The following JARID2 variants were observed in gnomAD, a reference collection of about 807,000 sequenced individuals.
JARID2 encodes jumonji and AT-rich interaction domain containing 2.
In JARID2, 21 loss-of-function variants were observed where a neutral mutation model predicts 125.6. The observed-to-expected ratio is 0.17, with a 90% CI of 0.12 to 0.24. The LOEUF is 0.24. Ranked by LOEUF, JARID2 falls within the 10% of genes least tolerant of loss-of-function variation. The pLI, the probability that JARID2 is intolerant of heterozygous loss-of-function variation, is 1.00. For missense variants in JARID2, 1,303 were observed against 1,639.6 expected (o/e 0.79, Z 3.55); for synonymous variants, 736 against 661.6 (o/e 1.11, Z -1.73).
At chr6:15,384,045 C>T (rs1430513111) in intron 2 of JARID2, among the ~76,000 whole-genome samples, 2 of 152,162 alleles carry the variant, frequency 1.3e-5, no homozygotes, top group African/African-American at 4.8e-5. Flanking sequence ...CTGCTTGCCT[C>T]TGCCTCCCAA....
intron 2 of JARID2, among the ~76,000 whole-genome samples, chr6:15,392,120 GT>G (rs1765041093): frequency 6.6e-6 from 1 of 151,420 alleles, no homozygotes; most frequent in Non-Finnish European, 1.5e-5. Context: ...CTTGGCCTAG[GT>G]TTTAGTGCCA....
intron 1 of JARID2, among the ~76,000 whole-genome samples, chr6:15,370,935 C>T (rs1057315776): frequency 6.6e-6 from 1 of 152,204 alleles, no homozygotes; most frequent in Non-Finnish European, 1.5e-5. Flanking sequence ...TGAGTCAACT[C>T]ATCTACTAGA....
In JARID2 at chr6:15,257,926, A is replaced by G. The variant is rs116863779; in HGVS notation, c.45+11342A>G. On this transcript the variant is annotated intron_variant, in intron 1 of 17. Transcript: ENST00000341776. ...AAAACAAAATTGCTCTAAGAACACA[A>G]TGTGTTATTAGTCAGAACAGCTCCA... Among the ~76,000 whole-genome samples the G allele has an allele frequency of 7.9e-5, 12 of 152,348 alleles. No homozygotes were observed. The East Asian group carries it at 2.1e-3, about 27-fold the overall frequency.
intron 5 of JARID2, among the ~76,000 whole-genome samples, chr6:15,480,841 G>A (rs1186409005): frequency 2.0e-5 from 3 of 152,210 alleles, no homozygotes; most frequent in African/African-American, 7.2e-5. Context: ...TGTGCATGGA[G>A]TGAGGGTATT....
At chr6:15,327,750 A>G (rs1465158048) in intron 1 of JARID2, among the ~76,000 whole-genome samples, 1 of 152,228 alleles carries the variant, frequency 6.6e-6, no homozygotes, top group Non-Finnish European at 1.5e-5. Flanking sequence ...TATAAAAAGA[A>G]TAAATTCAAG....
chr6:15,425,176 A>G (rs770277572), intron 3 of JARID2, among the ~76,000 whole-genome samples: 2 of 152,190 alleles, frequency 1.3e-5, no homozygotes, highest in Non-Finnish European at 2.9e-5. Flanking sequence ...AGAATAGTAT[A>G]GTTGTACCTT....
chr6:15,262,987 C>T (rs1481454607), intron 1 of JARID2, among the ~76,000 whole-genome samples: 1 of 152,104 alleles, frequency 6.6e-6, no homozygotes, highest in African/African-American at 2.4e-5. Context: ...CAGTTCATGC[C>T]TCTGAAGTGA....
intron 1 of JARID2, among the ~76,000 whole-genome samples, chr6:15,299,697 A>G (rs1265446728): frequency 6.6e-6 from 1 of 152,008 alleles, no homozygotes. Flanking sequence ...CGCCACACAG[A>G]TGGTTCTCAG....
intron 1 of JARID2, among the ~76,000 whole-genome samples, chr6:15,307,016 C>T (rs1336989685): frequency 2.0e-5 from 3 of 150,650 alleles, no homozygotes; most frequent in South Asian, 4.2e-4. Flanking sequence ...CCGAGGTAGG[C>T]GGATCACAAG....
At chr6:15,480,560 GTA>G (rs1769562264) in intron 5 of JARID2, among the ~76,000 whole-genome samples, 1 of 152,190 alleles carries the variant, frequency 6.6e-6, no homozygotes, top group Non-Finnish European at 1.5e-5. Context: ...ACAGGTAAAA[GTA>G]GAAGGCCAGC....
chr6:15,263,159 G>C (rs1643801832), intron 1 of JARID2, among the ~76,000 whole-genome samples: 1 of 151,296 alleles, frequency 6.6e-6, no homozygotes, highest in South Asian at 2.1e-4. Context: ...CACTCTCCAT[G>C]TCACTGTGGG....
At chr6:15,327,985 A>G (rs1398022782) in intron 1 of JARID2, among the ~76,000 whole-genome samples, 3 of 152,092 alleles carry the variant, frequency 2.0e-5, no homozygotes, top group South Asian at 2.1e-4. Context: ...GAGAACCCCT[A>G]CCATCCCCAG....
At chr6:15,368,291 T>C (rs1764046696) in intron 1 of JARID2, among the ~76,000 whole-genome samples, 1 of 152,152 alleles carries the variant, frequency 6.6e-6, no homozygotes, top group South Asian at 2.1e-4. Flanking sequence ...CACAGGAAAA[T>C]AAAATTGTAT....
At chr6:15,250,714 A>G (rs1473067991) in intron 1 of JARID2, among the ~76,000 whole-genome samples, 15 of 152,204 alleles carry the variant, frequency 9.9e-5, no homozygotes, top group Admixed American at 9.8e-4. Flanking sequence ...GACAACTAGA[A>G]TTATTTGGTA....
At chr6:15,340,778 A>C (rs1763042115) in intron 1 of JARID2, among the ~76,000 whole-genome samples, 1 of 152,122 alleles carries the variant, frequency 6.6e-6, no homozygotes, top group African/African-American at 2.4e-5. Flanking sequence ...GTTCCTCTTT[A>C]GTGGGAAAAA....
At chr6:15,510,127 T>TG (rs1771202952) in intron 12 of JARID2, among the ~76,000 whole-genome samples, 1 of 151,876 alleles carries the variant, frequency 6.6e-6, no homozygotes, top group East Asian at 1.9e-4. Flanking sequence ...GCGGGGGCTG[T>TG]GGGGAGGGGC....
At chr6:15,446,112 G>A (rs1767661948) in intron 3 of JARID2, among the ~76,000 whole-genome samples, 1 of 152,158 alleles carries the variant, frequency 6.6e-6, no homozygotes, top group South Asian at 2.1e-4. Context: ...CAGATACCAT[G>A]TGTGTACTGT....
In JARID2 at chr6:15,496,435, G is replaced by A. The variant is rs751363793; in HGVS notation, c.1210G>A (p.Val404Ile). The A allele has an allele frequency of 5.6e-6, 9 of 1,613,758 alleles. No homozygotes were observed. The highest frequency in any genetic ancestry group is 1.1e-5 in the South Asian group (1 of 91,050). ...GGCGTCCAAGTCCACTGGGCCCGCC[G>A]TCAATGGCCTCAAGGTCAGTGGCAG... ...GGASKSTGPA[V>I]NGLKVSGRLN... Residue 404 changes from valine (V) to isoleucine (I), a missense_variant, in exon 7 of 18, where the codon GTC becomes ATC. Val to Ile is a conservative substitution (Grantham distance 29, BLOSUM62 3). Coordinates refer to ENST00000341776, the MANE Select transcript of JARID2 (RefSeq NM_004973.4).
intron 1 of JARID2, among the ~76,000 whole-genome samples, chr6:15,266,464 G>A (rs191202919): frequency 6.6e-6 from 1 of 152,286 alleles, no homozygotes; most frequent in Non-Finnish European, 1.5e-5. Context: ...CTCTCCCGCT[G>A]GGGGAAGGAC....
Sources: allele counts gnomAD v4.1 joint callset (sites outside exome capture counted in the v4.1 genomes callset), GRCh38; gene constraint gnomAD v4.1.1; transcripts MANE v1.5; gene names NCBI Gene and HGNC (gene_info 2026-07-23, HGNC 2026-07-21).